Variants in GRIP1 observed in about 807,000 individuals in gnomAD.
GRIP1 encodes the protein glutamate receptor-interacting protein 1.
Under a neutral mutation model 129.9 loss-of-function variants are expected in GRIP1, and 45 were observed. The ratio of observed to expected loss-of-function variants is 0.35; its 90% CI spans 0.27 to 0.44. The LOEUF (loss-of-function observed/expected upper bound fraction) is 0.44. Ranked by LOEUF, GRIP1 falls within the 20% of genes least tolerant of loss-of-function variation. The pLI is 1.00. For synonymous variants in GRIP1, 530 were observed against 520.8 expected (o/e 1.02, Z -0.24); for missense variants, 1,196 against 1,396.8 (o/e 0.86, Z 2.29).
intron 1 of GRIP1, among the ~76,000 whole-genome samples, chr12:66,739,752 A>AT (rs1304867273): frequency 3.3e-5 from 5 of 151,898 alleles, no homozygotes; most frequent in Non-Finnish European, 5.9e-5. Context: ...ATAAAATAAA[A>AT]AAAAAAAAAC....
At chr12:66,823,126 CT>C (rs2039349346) in intron 1 of GRIP1, among the ~76,000 whole-genome samples, 1 of 152,126 alleles carries the variant, frequency 6.6e-6, no homozygotes, top group East Asian at 1.9e-4. Flanking sequence ...CCTCTCTAGA[CT>C]TGTTTTCTGA....
chr12:66,903,572 A>G (rs1312043162), intron 1 of GRIP1, among the ~76,000 whole-genome samples: 6 of 152,200 alleles, frequency 3.9e-5, no homozygotes, highest in Admixed American at 3.9e-4. Context: ...TTAAGTTTTT[A>G]GTATTTCAAG....
At chr12:66,592,600 C>CA (rs1250528292) in intron 2 of GRIP1, among the ~76,000 whole-genome samples, 6 of 151,984 alleles carry the variant, frequency 3.9e-5, no homozygotes, top group South Asian at 4.2e-4. Flanking sequence ...GTGACATAAG[C>CA]AAAAAAAGAT....
intron 1 of GRIP1, among the ~76,000 whole-genome samples, chr12:67,022,035 T>G (rs2042874674): frequency 6.6e-6 from 1 of 152,178 alleles, no homozygotes; most frequent in African/African-American, 2.4e-5. Context: ...TACCACATTT[T>G]CTTCATCCAT....
intron 5 of GRIP1, among the ~76,000 whole-genome samples, chr12:66,525,496 A>C (rs1430442943): frequency 6.6e-6 from 1 of 151,576 alleles, no homozygotes; most frequent in Non-Finnish European, 1.5e-5. Context: ...CATGCTAAAA[A>C]CTCTCAATAA....
At chr12:66,680,102 G>GA (rs76372670), upstream of GRIP1, among the ~76,000 whole-genome samples, 3,590 of 148,662 alleles carry the variant, frequency 0.024, 134 homozygotes, top group East Asian at 0.14. Flanking sequence ...GGAAGTTTAA[G>GA]AAAAAAAAAA....
At chr12:66,680,823 C>A (rs1277414624), upstream of GRIP1, among the ~76,000 whole-genome samples, 1 of 152,112 alleles carries the variant, frequency 6.6e-6, no homozygotes, top group African/African-American at 2.4e-5. Context: ...GGAACACCAC[C>A]ACCCCAGCCC....
intron 1 of GRIP1, among the ~76,000 whole-genome samples, chr12:66,893,085 C>G (rs1433567557): frequency 1.3e-5 from 2 of 152,124 alleles, no homozygotes; most frequent in African/African-American, 4.8e-5. Flanking sequence ...AACCCTAAAC[C>G]CCAACAACCA....
At chr12:66,422,847 G>A (rs2057855554) in intron 14 of GRIP1, among the ~76,000 whole-genome samples, 2 of 152,082 alleles carry the variant, frequency 1.3e-5, no homozygotes, top group South Asian at 4.1e-4. Context: ...GGGATGATGG[G>A]GTCGAACCCA....
rs1267365548 is a variant in GRIP1, at chr12:66,347,733, T to G, written c.*1286A>C. 1 of 147,248 alleles carries G rather than the reference T, an allele frequency of 6.8e-6. No homozygotes were observed. The highest frequency in any genetic ancestry group is 1.5e-5 in the Non-Finnish European group (1 of 67,176). The allele number at this position is 147,248 out of a possible 1,614,324, so 9.1% of individuals were successfully genotyped here. On this transcript the variant is annotated 3_prime_UTR_variant, in exon 25 of 25. Transcript: ENST00000359742. The stretch of plus-strand genomic sequence containing the variant: ...TTCTGAAATGTGATTGAAATAATAT[T>G]TTTTTTGCACAAAAAGAAAGGTGAT...
chr12:66,913,501 C>T (rs573743379), intron 1 of GRIP1, among the ~76,000 whole-genome samples: 5 of 152,298 alleles, frequency 3.3e-5, no homozygotes, highest in African/African-American at 1.2e-4. Flanking sequence ...CATCAAAGAT[C>T]TTCCAACTGA....
chr12:66,532,174 C>A, intron 4 of GRIP1, among the ~76,000 whole-genome samples: 1 of 152,160 alleles, frequency 6.6e-6, no homozygotes, highest in East Asian at 1.9e-4. Context: ...CGTTTTAATA[C>A]AATTAATGAA....
At chr12:66,366,666 T>C (rs1374936238) in intron 23 of GRIP1, among the ~76,000 whole-genome samples, 1 of 152,208 alleles carries the variant, frequency 6.6e-6, no homozygotes, top group Non-Finnish European at 1.5e-5. Context: ...AAAGGAAATG[T>C]CAATATGATT....
At chr12:66,839,189 T>C (rs536787195) in intron 1 of GRIP1, among the ~76,000 whole-genome samples, 2 of 152,256 alleles carry the variant, frequency 1.3e-5, no homozygotes, top group East Asian at 3.9e-4. Flanking sequence ...CTGCATTTAT[T>C]GAACAGAAAA....
rs140882085 is a variant in GRIP1, at chr12:66,611,650, ATCTCT to A, written c.56-14728_56-14724del. ...AAGATTGATGTATAGCCACTAAATG[ATCTCT>A]TCTCATTTAGACTGAATTATGTAAA... On this transcript the variant is annotated intron_variant, in intron 1 of 24. Transcript: ENST00000359742. 9.4e-4 allele frequency among the ~76,000 whole-genome samples: 143 copies of A among 152,308 alleles called. 1 individual carries two copies. The highest frequency in any genetic ancestry group is 3.3e-3 in the African/African-American group (136 of 41,582).
At chr12:66,743,220 G>T (rs1419178985) in intron 1 of GRIP1, among the ~76,000 whole-genome samples, 2 of 152,068 alleles carry the variant, frequency 1.3e-5, no homozygotes, top group African/African-American at 2.4e-5. Context: ...TATTTTTGGG[G>T]AATGATTATA....
chr12:66,576,469 T>C (rs1035112719), intron 2 of GRIP1, among the ~76,000 whole-genome samples: 2 of 152,240 alleles, frequency 1.3e-5, no homozygotes, highest in African/African-American at 4.8e-5. Context: ...GAATAGAGAC[T>C]ATTTCATCAA....
chr12:66,977,425 A>G (rs1178617270), intron 1 of GRIP1, among the ~76,000 whole-genome samples: 1 of 152,160 alleles, frequency 6.6e-6, no homozygotes, highest in Non-Finnish European at 1.5e-5. Context: ...AAAATGTAAC[A>G]TAAAGGTTAC....
At chr12:66,472,890 C>A (rs2059481329) in intron 7 of GRIP1, among the ~76,000 whole-genome samples, 1 of 152,192 alleles carries the variant, frequency 6.6e-6, no homozygotes, top group Non-Finnish European at 1.5e-5. Flanking sequence ...AAGCACAAAA[C>A]TGGGCGGCCA....
Sources: gnomAD v4.1 joint callset for allele counts (sites outside exome capture counted in the v4.1 genomes callset) on GRCh38, gnomAD v4.1.1 for gene constraint, MANE v1.5 for transcripts, NCBI Gene and HGNC (gene_info 2026-07-23, HGNC 2026-07-21) for gene names.